Variants in AGBL4 observed in about 807,000 individuals in gnomAD.
AGBL4 encodes AGBL carboxypeptidase 4.
AGBL4 carries 58 observed loss-of-function variants against 66.4 expected under a neutral mutation model. That is an observed-to-expected ratio of 0.87 (90% CI 0.71 to 1.09). The LOEUF is 1.09. Among genes scored for constraint, AGBL4 ranks in the 50% least tolerant of loss-of-function variants. The probability of loss-of-function intolerance (pLI) is 0.00; values close to 1 mark genes in which losing one functional copy is unlikely to be tolerated. For synonymous variants in AGBL4, 234 were observed against 222.9 expected, an observed-to-expected ratio of 1.05 and a Z score of -0.44; for missense variants, 579 against 631.0, an observed-to-expected ratio of 0.92 and a Z score of 0.88.
At chr1:49,107,564 C>CT (rs1260172933) in intron 4 of AGBL4, among the ~76,000 whole-genome samples, 1 of 152,036 alleles carries the variant, frequency 6.6e-6, no homozygotes, top group African/African-American at 2.4e-5. Context: ...ACATAAAGTC[C>CT]TTCCATCTCC....
chr1:48,839,145 A>T (rs1646744738), intron 6 of AGBL4, among the ~76,000 whole-genome samples: 1 of 152,148 alleles, frequency 6.6e-6, no homozygotes, highest in Non-Finnish European at 1.5e-5. Flanking sequence ...ACAATTAGAA[A>T]TAACATACGA....
chr1:49,365,352 A>C (rs1644223254), intron 3 of AGBL4, among the ~76,000 whole-genome samples: 1 of 152,070 alleles, frequency 6.6e-6, no homozygotes, highest in Non-Finnish European at 1.5e-5. Context: ...CAATAGTAAT[A>C]ATGATAAGAA....
intron 3 of AGBL4, among the ~76,000 whole-genome samples, chr1:49,252,328 T>A (rs1652134593): frequency 6.6e-6 from 1 of 151,838 alleles, no homozygotes; most frequent in African/African-American, 2.4e-5. Context: ...AGACTGGCTT[T>A]CTGAAATAAG....
intron 6 of AGBL4, among the ~76,000 whole-genome samples, chr1:48,718,153 C>G (rs754180420): frequency 6.6e-6 from 1 of 152,238 alleles, no homozygotes; most frequent in Non-Finnish European, 1.5e-5. Flanking sequence ...GACAGCAAAA[C>G]TTCCCTCCAA....
At chr1:48,633,718 G>A (rs1163273412) in intron 9 of AGBL4, among the ~76,000 whole-genome samples, 3 of 152,134 alleles carry the variant, frequency 2.0e-5, no homozygotes, top group Non-Finnish European at 4.4e-5. Flanking sequence ...ACAGAATACC[G>A]TGGTTTGCTT....
At chr1:49,164,300 CT>C (rs759433437) in intron 4 of AGBL4, among the ~76,000 whole-genome samples, 6 of 152,048 alleles carry the variant, frequency 3.9e-5, no homozygotes, top group Non-Finnish European at 5.9e-5. Flanking sequence ...ATTGCCTTAG[CT>C]TTGGGGCACC....
At chr1:49,665,393 G>C (rs1248410024) in intron 3 of AGBL4, among the ~76,000 whole-genome samples, 1 of 152,048 alleles carries the variant, frequency 6.6e-6, no homozygotes, top group African/African-American at 2.4e-5. Context: ...ACTGTATTAG[G>C]CTAGGCAAGT....
At chr1:49,707,706 A>C (rs1021630624) in intron 2 of AGBL4, among the ~76,000 whole-genome samples, 7 of 151,734 alleles carry the variant, frequency 4.6e-5, no homozygotes, top group Non-Finnish European at 1.0e-4. Flanking sequence ...TTTCCTTCCC[A>C]TATTTAGTGC....
chr1:49,310,805 G>GT (rs1041518163), intron 3 of AGBL4, among the ~76,000 whole-genome samples: 28 of 151,730 alleles, frequency 1.8e-4, no homozygotes, highest in African/African-American at 6.8e-4. Context: ...ATTATTCTAA[G>GT]TAAAAAAAAA....
intron 3 of AGBL4, among the ~76,000 whole-genome samples, chr1:49,646,896 G>T (rs999753078): frequency 2.0e-5 from 3 of 151,360 alleles, no homozygotes; most frequent in African/African-American, 7.3e-5. Context: ...CAACAAAAGT[G>T]CAAAGTCAAT....
At chr1:49,071,154 C>G (rs1032849037) in intron 4 of AGBL4, among the ~76,000 whole-genome samples, 4 of 151,712 alleles carry the variant, frequency 2.6e-5, no homozygotes, top group Non-Finnish European at 4.4e-5. Context: ...ATTAGTCTGG[C>G]TTGTGGCCTA....
intron 6 of AGBL4, among the ~76,000 whole-genome samples, chr1:48,826,032 A>T (rs1646420406): frequency 6.6e-6 from 1 of 152,116 alleles, no homozygotes; most frequent in East Asian, 1.9e-4. Context: ...CACAATTCAA[A>T]GTGACAGGGA....
At chr1:49,428,913 G>T (rs1305037400) in intron 3 of AGBL4, among the ~76,000 whole-genome samples, 3 of 152,186 alleles carry the variant, frequency 2.0e-5, no homozygotes. Flanking sequence ...TATTTACAGG[G>T]AGTTTATTTT....
intron 6 of AGBL4, among the ~76,000 whole-genome samples, chr1:48,714,615 C>T (rs561848800): frequency 2.6e-4 from 40 of 152,346 alleles, no homozygotes; most frequent in African/African-American, 8.4e-4. Flanking sequence ...TCATCATCTA[C>T]GATTCCACCA....
chr1:49,057,187 G>A (rs943813148), intron 4 of AGBL4, among the ~76,000 whole-genome samples: 4 of 152,138 alleles, frequency 2.6e-5, no homozygotes, highest in East Asian at 1.9e-4. Context: ...GATCCCTTGA[G>A]CTCAGGAATT....
At chr1:49,442,039 C>A (rs12731884) in intron 3 of AGBL4, among the ~76,000 whole-genome samples, 62,079 of 151,622 alleles carry the variant, frequency 0.41, 16,120 homozygotes, top group Non-Finnish European at 0.58. Context: ...TCAGGGTGAT[C>A]AGCCAGCTAC....
chr1:49,009,807 G>A (rs2149003698), intron 5 of AGBL4, among the ~76,000 whole-genome samples: 1 of 152,166 alleles, frequency 6.6e-6, no homozygotes, highest in South Asian at 2.1e-4. Flanking sequence ...ATGCAGAAAA[G>A]GCCTTTGACA....
intron 4 of AGBL4, among the ~76,000 whole-genome samples, chr1:49,138,012 T>C (rs1257484952): frequency 6.6e-6 from 1 of 152,106 alleles, no homozygotes; most frequent in Non-Finnish European, 1.5e-5. Flanking sequence ...GCAGGGATTC[T>C]GGGCAAAATG....
At chr1:48,760,918 AC>A (rs1644224589) in intron 6 of AGBL4, 1 of 154,946 alleles carries the variant, frequency 6.5e-6, no homozygotes, top group African/African-American at 2.4e-5. Context: ...CCTTCTGTGA[AC>A]CTCGTGCACT....
Sources: gnomAD v4.1 joint callset for allele counts (sites outside exome capture counted in the v4.1 genomes callset) on GRCh38, gnomAD v4.1.1 for gene constraint, MANE v1.5 for transcripts, NCBI Gene and HGNC (gene_info 2026-07-23, HGNC 2026-07-21) for gene names.